OTOG: variants seen among roughly 807,000 people sequenced by gnomAD.
OTOG encodes otogelin.
OTOG carries 296 observed loss-of-function variants against 313.8 expected under a neutral mutation model. The ratio of observed to expected loss-of-function variants is 0.94; its 90% CI spans 0.86 to 1.04. OTOG has a LOEUF of 1.04. OTOG is among the 50% of genes least tolerant of loss of function. OTOG has a pLI of 0.00. For synonymous variants in OTOG, 1,533 were observed against 1,554.9 expected (o/e 0.99, Z 0.33); for missense variants, 3,948 against 3,840.1 (o/e 1.03, Z -0.74).
chr11:17,645,504 C>A (rs1848054931), intron 54 of OTOG, 60 bp from the exon 55 acceptor site: 1 of 1,507,836 alleles, frequency 6.6e-7, no homozygotes, highest in Admixed American at 2.0e-5. Flanking sequence ...GCTGGCCCAT[C>A]CTGCTGCCCC....
intron 53 of OTOG, 69 bp from the exon 54 acceptor site, chr11:17,643,391 TG>T: frequency 1.8e-6 from 2 of 1,112,780 alleles, no homozygotes; most frequent in South Asian, 2.3e-5. Context: ...TGCCTGTTTC[TG>T]GGATCTTGGC....
chr11:17,610,557 G>T lies in OTOG; in HGVS notation c.5257G>T (p.Ala1753Ser), dbSNP rs762522613. Residue 1753 changes from alanine to serine, a missense_variant, in exon 36 of 56, where the codon GCC becomes TCC. By Grantham distance (99) the Ala-to-Ser change is moderately conservative. Coordinates refer to ENST00000399397, the MANE Select transcript of OTOG (RefSeq NM_001292063.2). Reference sequence around the variant, plus strand: ...ACTCCCCTCTGCACCACCCCGCCCAGCCCAGCATACCACCATGGCCACCAG... The same window carrying T: ...ACTCCCCTCTGCACCACCCCGCCCATCCCAGCATACCACCATGGCCACCAG... ...HPLPSAPPRP[A>S]QHTTMATRSP... 1.5e-5 allele frequency: 23 copies of T among 1,550,382 alleles called. No homozygotes were observed. Among genetic ancestry groups the T allele is most frequent in the Admixed American group, 2.0e-5 (1 of 50,976 alleles).
intron 24 of OTOG, 51 bp downstream of exon 24, chr11:17,586,632 G>A: frequency 1.1e-6 from 1 of 912,434 alleles, no homozygotes; most frequent in Admixed American, 4.1e-5. Context: ...AGGGGGCATG[G>A]ATATGGGTGC....
chr11:17,645,596 A>C lies in OTOG; in HGVS notation c.8494A>C (p.Thr2832Pro), dbSNP rs1590065556. ...KEDGRSCKKV[T>P]IRMTIRKNEC... ...GGATGGGCGCTCCTGCAAGAAGGTGACCATCCGCATGACCATCCGCAAGAA... is the reference window on the plus strand; with the variant it reads ...GGATGGGCGCTCCTGCAAGAAGGTGCCCATCCGCATGACCATCCGCAAGAA... The change falls in exon 55 of 56, where the codon ACC becomes CCC. Residue 2832 changes from threonine to proline, a missense_variant. Thr to Pro is a conservative substitution (Grantham distance 38). Transcript: ENST00000399397. 1 of 1,550,592 alleles carries C rather than the reference A, an allele frequency of 6.4e-7. No homozygotes were observed. The highest frequency in any genetic ancestry group is 2.4e-5 in the East Asian group (1 of 40,908).
At position 17,619,642 on chromosome 11, in the gene OTOG, T is replaced by C. The variant is rs531923862; in HGVS notation, c.6528+5941T>C. ...CTACAAATAATATTATATTGCATCA[T>C]ATATACCATAAGAACTTTATAACAG... On this transcript the variant is annotated intron_variant, in intron 39 of 55. Transcript: ENST00000399397. Among the ~76,000 whole-genome samples, 19 of 152,332 alleles carry C rather than the reference T, an allele frequency of 1.2e-4. No homozygotes were observed. In the East Asian group the frequency reaches 1.9e-3, roughly 15 times the overall value.
At position 17,608,433 on chromosome 11, in the gene OTOG, G is replaced by A. The variant is rs1402222130; in HGVS notation, c.4274+20G>A. ...ACCCAGGTGAGATGCCAGGGGCTGT[G>A]GGCATGGAGCCAAGGTGTGTGCACT... On this transcript the variant is annotated intron_variant, in intron 34 of 55. Transcript: ENST00000399397. 6.7e-7 allele frequency: 1 copy of A among 1,493,484 alleles called. No homozygotes were observed. The highest frequency in any genetic ancestry group is 9.0e-7 in the Non-Finnish European group (1 of 1,113,020). 92.5% of individuals were successfully genotyped at this position (1,493,484 alleles called of 1,614,324 possible). A position where few individuals can be genotyped will look rare whatever the true frequency, so the allele number is the denominator to read the frequency against.
In OTOG at chr11:17,631,356, TTCTCTC is replaced by T. The variant is rs143019994; in HGVS notation, c.6713-328_6713-323del. Among the ~76,000 whole-genome samples, 67 of 141,742 alleles carry T rather than the reference TTCTCTC, an allele frequency of 4.7e-4. 1 individual carries two copies. The highest frequency in any genetic ancestry group is 1.6e-3 in the African/African-American group (58 of 36,360). 93.0% of individuals were successfully genotyped at this position (141,742 alleles called of 152,430 possible). On this transcript the variant is annotated intron_variant, in intron 40 of 55. Transcript: ENST00000399397. ...AGATTTGCCCCATTTGCTTCTCTCC[TTCTCTC>T]TCTCTCTCTCTCTCTCTGTGTGTGT... is the stretch of plus-strand genomic sequence containing the variant.
Position 17,593,321 on chromosome 11 carries a change from A to C in OTOG, c.3135A>C (p.Gly1045=). Reference sequence around the variant, plus strand: ...TCATTGTCTTTGATGATGACTCCGGAAATCCTGTAAGGCTCAGTGCCTGTG... The same window carrying C: ...TCATTGTCTTTGATGATGACTCCGGCAATCCTGTAAGGCTCAGTGCCTGTG... ...NSLIVFDDDS[G]NPSPESFLDD... Residue 1045 remains glycine, a synonymous_variant, in exon 26 of 56, where the codon GGA becomes GGC. Coordinates refer to ENST00000399397, the MANE Select transcript of OTOG (RefSeq NM_001292063.2). The C allele has an allele frequency of 1.9e-6, 3 of 1,550,590 alleles. No homozygotes were observed. Among genetic ancestry groups the C allele is most frequent in the Non-Finnish European group, 2.6e-6 (3 of 1,146,980 alleles).
intron 39 of OTOG, among the ~76,000 whole-genome samples, chr11:17,618,715 T>G (rs944126468): frequency 1.3e-5 from 2 of 152,234 alleles, no homozygotes; most frequent in Admixed American, 6.5e-5. Flanking sequence ...TTTATTCACA[T>G]ATATTGAAAT....
At chr11:17,597,679 T>A (rs906967172) in intron 30 of OTOG, among the ~76,000 whole-genome samples, 2 of 152,342 alleles carry the variant, frequency 1.3e-5, no homozygotes, top group African/African-American at 4.8e-5. Flanking sequence ...AAAATTAATA[T>A]TTAAAAGATG....
At chr11:17,602,026 G>A (rs1190532243) in intron 31 of OTOG, among the ~76,000 whole-genome samples, 184 bp from the exon 32 acceptor site, 1 of 152,160 alleles carries the variant, frequency 6.6e-6, no homozygotes, top group Non-Finnish European at 1.5e-5. Context: ...CTGGCAGCCT[G>A]GGAATCCTGT....
intron 39 of OTOG, among the ~76,000 whole-genome samples, chr11:17,620,207 C>G (rs1372116320): frequency 6.6e-6 from 1 of 152,154 alleles, no homozygotes; most frequent in Non-Finnish European, 1.5e-5. Flanking sequence ...TTCATCACCC[C>G]AAAAGGCAAC....
At chr11:17,579,252 C>T (rs535199671) in intron 23 of OTOG, among the ~76,000 whole-genome samples, 12 of 152,244 alleles carry the variant, frequency 7.9e-5, no homozygotes, top group Admixed American at 4.6e-4. Context: ...GTGGCCCAGG[C>T]GTGAAAGCCT....
rs547014747 is a variant in OTOG at position 17,559,633 on chromosome 11, C to T, written c.1313C>T (p.Ala438Val). The change falls in exon 12 of 56, where the codon GCC becomes GTC. Residue 438 changes from alanine to valine, a missense_variant. Ala to Val is a moderately conservative substitution (Grantham distance 64, BLOSUM62 0). Coordinates refer to ENST00000399397, the MANE Select transcript of OTOG (RefSeq NM_001292063.2). ...GCATCCTGTGTGGACAGTGAGATCG[C>T]CTGTGTGGACGGCTGCTATTGCCCC... ...PRASCVDSEI[A>V]CVDGCYCPNG... 2.1e-5 allele frequency: 32 copies of T among 1,550,752 alleles called. No homozygotes were observed. The Admixed American group carries it at 6.3e-4, about 30-fold the overall frequency.
chr11:17,555,488 AGATGGCAT>A (rs1852037298), intron 6 of OTOG, among the ~76,000 whole-genome samples: 2 of 152,270 alleles, frequency 1.3e-5, no homozygotes, highest in South Asian at 4.2e-4. Flanking sequence ...AGAAATACGG[AGATGGCAT>A]GATTGACTGG....
At position 17,561,367 on chromosome 11, in the gene OTOG, A is replaced by G. The variant is rs145746455; in HGVS notation, c.1498+230A>G. ...GAAGGGGTTTCCATGGGTTCTGTAT[A>G]TCTAAAGACCTTCCCGAGCTAGGGG... On this transcript the variant is annotated intron_variant, in intron 14 of 55. Coordinates refer to ENST00000399397, the MANE Select transcript of OTOG (RefSeq NM_001292063.2). 2.6e-4 allele frequency among the ~76,000 whole-genome samples: 40 copies of G among 152,302 alleles called. 1 individual carries two copies. In the East Asian group the frequency reaches 7.5e-3, roughly 29 times the overall value.
In OTOG at chr11:17,569,236, AG is replaced by A. The variant is rs1485905304; in HGVS notation, c.1729del (p.Asp577MetfsTer31). 1 of 1,550,608 alleles carries A rather than the reference AG, an allele frequency of 6.4e-7. No individual in the cohort carries two copies. The highest frequency in any genetic ancestry group is 8.7e-7 in the Non-Finnish European group (1 of 1,146,992). Reference protein sequence around the residue: ...PRRQVTLTQAGDVLLFDQYKI... With the variant: ...PRRQVTLTQAXDVLLFDQYKI... Reference sequence around the variant, plus strand: ...GGAGGCAGGTGACCCTGACCCAGGCAGGGGATGTCCTTCTGTTTGACCAGTA... The same window carrying A: ...GGAGGCAGGTGACCCTGACCCAGGCAGGGATGTCCTTCTGTTTGACCAGTA... On this transcript the variant is annotated frameshift_variant, in exon 16 of 56. Coordinates refer to ENST00000399397, the MANE Select transcript of OTOG (RefSeq NM_001292063.2). LOFTEE classifies it high-confidence loss of function.
chr11:17,596,261 C>A, intron 29 of OTOG, 107 bp downstream of exon 29: 2 of 819,230 alleles, frequency 2.4e-6, no homozygotes, highest in Non-Finnish European at 2.0e-6. Flanking sequence ...CTCAGATCTC[C>A]AGGGAAGATC....
rs61995750 is a variant in OTOG at position 17,638,480 on chromosome 11, C to A, written c.7825C>A (p.Gln2609Lys). The A allele has an allele frequency of 8.8e-4, 1,370 of 1,550,110 alleles. 8 individuals are homozygous for A. In the African/African-American group the frequency reaches 0.015, roughly 17 times the overall value. The change falls in exon 48 of 56, where the codon CAG becomes AAG. Residue 2609 changes from glutamine to lysine, a missense_variant. By Grantham distance (53) the Gln-to-Lys change is moderately conservative (BLOSUM62 1). Transcript: ENST00000399397. ...VCENFRCPQVQCGLGTALVEV... is the reference protein window; with the variant it reads ...VCENFRCPQVKCGLGTALVEV... The stretch of plus-strand genomic sequence containing the variant: ...TGAGAACTTCCGCTGTCCCCAAGTG[C>A]AGTGTGGCCTGGGCACTGCCCTGGT...
Sources: allele counts gnomAD v4.1 joint callset (sites outside exome capture counted in the v4.1 genomes callset), GRCh38; gene constraint gnomAD v4.1.1; transcripts MANE v1.5; gene names NCBI Gene and HGNC (gene_info 2026-07-23, HGNC 2026-07-21).